The following GDI2 variants were observed in gnomAD, a reference collection of about 807,000 sequenced individuals.
The protein encoded by GDI2 is rab GDP dissociation inhibitor beta.
A neutral mutation model predicts 54.2 loss-of-function variants in GDI2; 22 were observed. The ratio of observed to expected loss-of-function variants is 0.41; its 90% CI spans 0.29 to 0.58. The LOEUF (loss-of-function observed/expected upper bound fraction) is 0.58, where lower values mean the gene tolerates loss of function less well. GDI2 is among the 20% of genes least tolerant of loss of function. GDI2 has a pLI of 0.35. For synonymous variants in GDI2, 177 were observed against 182.1 expected (o/e 0.97, Z 0.23); for missense variants, 422 against 546.0 (o/e 0.77, Z 2.26).
At chr10:5,812,933 G>A (rs1841507789) in intron 1 of GDI2, among the ~76,000 whole-genome samples, 1 of 152,226 alleles carries the variant, frequency 6.6e-6, no homozygotes, top group South Asian at 2.1e-4. Context: ...GCTTCCGCTG[G>A]GGGCAAGCGC....
chr10:5,808,697 TAAAA>T (rs56672226), intron 1 of GDI2, among the ~76,000 whole-genome samples: 1 of 86,228 alleles, frequency 1.2e-5, no homozygotes, highest in African/African-American at 4.2e-5. Context: ...TTGTTGTTAT[TAAAA>T]AAAAAAAAAA....
At chr10:5,807,918 T>C (rs1036222784) in intron 1 of GDI2, among the ~76,000 whole-genome samples, 7 of 152,174 alleles carry the variant, frequency 4.6e-5, no homozygotes, top group African/African-American at 1.7e-4. Flanking sequence ...CCACGGCCAG[T>C]AACAATGGTA....
chr10:5,790,532 A>G (rs1000289302), intron 4 of GDI2, among the ~76,000 whole-genome samples: 3 of 151,972 alleles, frequency 2.0e-5, no homozygotes, highest in African/African-American at 7.2e-5. Flanking sequence ...GTTATCCCAG[A>G]TACTTGGGGA....
intron 2 of GDI2, 62 bp from the exon 3 acceptor site, chr10:5,796,924 T>C: frequency 1.3e-6 from 1 of 775,396 alleles, no homozygotes; most frequent in South Asian, 1.6e-5. Flanking sequence ...TTACAATATG[T>C]ACATATTTTT....
intron 2 of GDI2, 21 bp downstream of exon 2, chr10:5,800,577 T>A (rs1456242875): frequency 3.7e-6 from 4 of 1,085,772 alleles, no homozygotes; most frequent in South Asian, 1.2e-5. Context: ...GAGAGGCGTA[T>A]GAAATTTGAC....
chr10:5,799,536 C>T (rs1841220551), intron 2 of GDI2, among the ~76,000 whole-genome samples: 1 of 152,180 alleles, frequency 6.6e-6, no homozygotes, highest in Non-Finnish European at 1.5e-5. Context: ...CCTTTAATCC[C>T]AGCTACTTGG....
chr10:5,784,867 T>C (rs541858394), intron 6 of GDI2, among the ~76,000 whole-genome samples: 59 of 152,342 alleles, frequency 3.9e-4, no homozygotes, highest in African/African-American at 1.4e-3. Flanking sequence ...AGGTCCTTGG[T>C]TGTATTTTTG....
rs978226829 is a variant in GDI2 at position 5,813,434 on chromosome 10, T to G, written c.-176A>C. The G allele has an allele frequency of 3.9e-4, 74 of 189,636 alleles. No homozygotes were observed. The highest frequency in any genetic ancestry group is 9.3e-4 in the East Asian group (4 of 4,314). The allele number at this position is 189,636 out of a possible 1,614,324, so 11.7% of individuals were successfully genotyped here. Reference sequence around the variant, plus strand: ...CCACCTCAGACGGGAAGAGAAGAACTGGGCGGGGAGAGGAGGGGAGGGAGC... The same window carrying G: ...CCACCTCAGACGGGAAGAGAAGAACGGGGCGGGGAGAGGAGGGGAGGGAGC... On this transcript the variant is annotated 5_prime_UTR_variant, in exon 1 of 11. Coordinates refer to ENST00000380191, the MANE Select transcript of GDI2 (RefSeq NM_001494.4).
rs114854082 is a variant in GDI2 at position 5,803,149 on chromosome 10, T to C, written c.46-2444A>G. On this transcript the variant is annotated intron_variant, in intron 1 of 10. Coordinates refer to ENST00000380191, the MANE Select transcript of GDI2 (RefSeq NM_001494.4). Reference sequence around the variant, plus strand: ...AAGGATTTGCAGAAAACGTGAAATATTGATAGTCTTCTCACAATTTTGTTT... The same window carrying C: ...AAGGATTTGCAGAAAACGTGAAATACTGATAGTCTTCTCACAATTTTGTTT... 2.9e-3 allele frequency among the ~76,000 whole-genome samples: 444 copies of C among 152,324 alleles called. 2 individuals are homozygous for C. Among genetic ancestry groups the C allele is most frequent in the African/African-American group, 0.01 (429 of 41,578 alleles).
chr10:5,793,798 A>G (rs2131706865), intron 4 of GDI2, among the ~76,000 whole-genome samples: 1 of 152,268 alleles, frequency 6.6e-6, no homozygotes, highest in African/African-American at 2.4e-5. Context: ...TTTAAGAGAG[A>G]CGCTGAAATA....
At chr10:5,796,976 A>G (rs1221210930) in intron 2 of GDI2, 114 bp from the exon 3 acceptor site, 2 of 582,452 alleles carry the variant, frequency 3.4e-6, no homozygotes, top group Non-Finnish European at 6.1e-6. Context: ...CCATGCTAGT[A>G]AAGTATAAGG....
chr10:5,791,352 G>A (rs1478257881), intron 4 of GDI2, among the ~76,000 whole-genome samples: 2 of 152,150 alleles, frequency 1.3e-5, no homozygotes, highest in African/African-American at 4.8e-5. Context: ...GCTCACACCT[G>A]TAACCCCAGC....
chr10:5,794,722 T>A (rs1031005507), intron 4 of GDI2, among the ~76,000 whole-genome samples, 163 bp downstream of exon 4: 1 of 152,176 alleles, frequency 6.6e-6, no homozygotes, highest in Non-Finnish European at 1.5e-5. Flanking sequence ...TTTGAACATT[T>A]TGTTCACTGA....
At position 5,766,524 on chromosome 10, in the gene GDI2, G is replaced by C; in HGVS notation, c.1106C>G (p.Ala369Gly). 6.2e-7 allele frequency: 1 copy of C among 1,613,806 alleles called. No homozygotes were observed. The highest frequency in any genetic ancestry group is 8.5e-7 in the Non-Finnish European group (1 of 1,179,962). ...TKEPEKEIRP[A>G]LELLEPIEQK... The stretch of plus-strand genomic sequence containing the variant: ...TTCAATTGGTTCCAAGAGCTCCAAA[G>C]CTGGTCTGATTTCCTTCTCAGGCTC... The change falls in exon 9 of 11, where the codon GCT becomes GGT. Residue 369 changes from alanine (A) to glycine (G), a missense_variant. Physicochemically the swap from Ala to Gly is moderately conservative, Grantham distance 60. Transcript: ENST00000380191. This position sits in a 1 kb window ranked among gnomAD's most constrained non-coding sequence, Gnocchi z 5.8.
intron 4 of GDI2, among the ~76,000 whole-genome samples, chr10:5,791,620 G>A (rs570633723): frequency 7.8e-4 from 119 of 152,166 alleles, no homozygotes; most frequent in African/African-American, 2.7e-3. Context: ...GGTGGTGCAT[G>A]CCTGTAATCC....
At chr10:5,797,362 T>C (rs1411377457) in intron 2 of GDI2, among the ~76,000 whole-genome samples, 9 of 151,970 alleles carry the variant, frequency 5.9e-5, no homozygotes, top group African/African-American at 2.2e-4. Context: ...CAGGCCAAGA[T>C]GGTGAAACCC....
chr10:5,813,268 G>A lies in GDI2; in HGVS notation c.-10C>T. Reference sequence around the variant, plus strand: ...CGTACTCCTCATTCATGGCGGGGCAGGCGCGGACGCAGGACCCGAGCAAGG... The same window carrying A: ...CGTACTCCTCATTCATGGCGGGGCAAGCGCGGACGCAGGACCCGAGCAAGG... On this transcript the variant is annotated 5_prime_UTR_variant, in exon 1 of 11. Transcript: ENST00000380191. The A allele has an allele frequency of 6.4e-7, 1 of 1,570,832 alleles. No individual in the cohort carries two copies. The highest frequency in any genetic ancestry group is 8.6e-7 in the Non-Finnish European group (1 of 1,161,186).
At chr10:5,783,265 G>C (rs1342102433) in intron 6 of GDI2, among the ~76,000 whole-genome samples, 8 of 151,988 alleles carry the variant, frequency 5.3e-5, no homozygotes, top group Admixed American at 4.6e-4. Flanking sequence ...TATAAGAATA[G>C]CTACTTCTGC....
chr10:5,785,796 G>T, intron 5 of GDI2, 56 bp downstream of exon 5: 1 of 1,058,772 alleles, frequency 9.4e-7, no homozygotes, highest in Non-Finnish European at 1.4e-6. Context: ...TGGAAGACTT[G>T]GGAAATTTAG....
Sources: allele counts gnomAD v4.1 joint callset (sites outside exome capture counted in the v4.1 genomes callset), GRCh38; gene constraint gnomAD v4.1.1; non-coding constraint Gnocchi (gnomAD v3.1); transcripts MANE v1.5; gene names NCBI Gene and HGNC (gene_info 2026-07-23, HGNC 2026-07-21).